Variants in AGBL1 observed in about 807,000 individuals in gnomAD.
AGBL1 encodes the protein AGBL carboxypeptidase 1, also known as cytosolic carboxypeptidase 4.
In AGBL1, 130 loss-of-function variants were observed where a neutral mutation model predicts 118.9. The observed-to-expected ratio is 1.09, with a 90% confidence interval of 0.95 to 1.26. The LOEUF is 1.26. Among genes scored for constraint, AGBL1 ranks in the 50% most tolerant of loss-of-function variants. AGBL1 has a pLI of 0.00. For missense variants in AGBL1, 1,584 were observed against 1,298.1 expected, an observed-to-expected ratio of 1.22 and a Z score of -3.38; for synonymous variants, 555 against 478.9, an observed-to-expected ratio of 1.16 and a Z score of -2.08.
chr15:87,025,494 C>A (rs950461385), intron 24 of AGBL1, among the ~76,000 whole-genome samples: 1 of 151,860 alleles, frequency 6.6e-6, no homozygotes, highest in African/African-American at 2.4e-5. Context: ...TGAAATAAAT[C>A]ATAGATGACA....
At chr15:86,554,791 G>T (rs2142271363) in intron 21 of AGBL1, among the ~76,000 whole-genome samples, 1 of 152,246 alleles carries the variant, frequency 6.6e-6, no homozygotes, top group Non-Finnish European at 1.5e-5. Flanking sequence ...GCAGCTGGGA[G>T]CCTCTCTTTG....
At chr15:86,784,082 A>C (rs1388347793) in intron 22 of AGBL1, among the ~76,000 whole-genome samples, 1 of 152,142 alleles carries the variant, frequency 6.6e-6, no homozygotes, top group African/African-American at 2.4e-5. Context: ...CAATCTCTTA[A>C]CCTCAGTTCC....
intron 22 of AGBL1, among the ~76,000 whole-genome samples, chr15:86,776,319 C>G (rs1402620191): frequency 6.6e-6 from 1 of 152,090 alleles, no homozygotes; most frequent in Non-Finnish European, 1.5e-5. Flanking sequence ...CTCATCGTAA[C>G]TTGGTGATAT....
chr15:86,873,383 T>G (rs2079757065), intron 22 of AGBL1, among the ~76,000 whole-genome samples: 1 of 152,200 alleles, frequency 6.6e-6, no homozygotes, highest in South Asian at 2.1e-4. Context: ...ATAAAAATTT[T>G]AAGAATCGAC....
chr15:86,762,717 A>G (rs1256944040), intron 22 of AGBL1, among the ~76,000 whole-genome samples: 1 of 152,026 alleles, frequency 6.6e-6, no homozygotes, highest in Non-Finnish European at 1.5e-5. Context: ...TAGAGAAGTT[A>G]CATTTGGTTT....
chr15:86,142,127 C>T, intron 2 of AGBL1, 60 bp downstream of exon 2: 1 of 1,507,106 alleles, frequency 6.6e-7, no homozygotes, highest in East Asian at 2.5e-5. Context: ...TGGCTGTGAT[C>T]TCTCCCAGGC....
intron 15 of AGBL1, among the ~76,000 whole-genome samples, chr15:86,278,434 C>T (rs1364452205): frequency 2.6e-5 from 4 of 151,430 alleles, no homozygotes; most frequent in Admixed American, 6.6e-5. Context: ...AGTCCCATTC[C>T]GAGGTGTATA....
chr15:86,702,138 C>G (rs2086371137), intron 22 of AGBL1, among the ~76,000 whole-genome samples: 1 of 151,984 alleles, frequency 6.6e-6, no homozygotes, highest in South Asian at 2.1e-4. Context: ...ATGTAAATAT[C>G]AGAGTATTAC....
At chr15:86,570,087 A>C (rs1245433849) in intron 21 of AGBL1, among the ~76,000 whole-genome samples, 1 of 141,142 alleles carries the variant, frequency 7.1e-6, no homozygotes. Flanking sequence ...GATTGACTCA[A>C]CCTGGGATGC....
intron 22 of AGBL1, among the ~76,000 whole-genome samples, chr15:86,701,884 T>G (rs973156869): frequency 1.6e-4 from 24 of 146,440 alleles, no homozygotes; most frequent in Non-Finnish European, 3.3e-4. Flanking sequence ...TCTTTTTTCT[T>G]TCCTTCCCTT....
intron 5 of AGBL1, among the ~76,000 whole-genome samples, chr15:86,176,212 C>T (rs1319803248): frequency 6.6e-6 from 1 of 152,152 alleles, no homozygotes; most frequent in Non-Finnish European, 1.5e-5. Flanking sequence ...GCAGAACTGT[C>T]CTGAAGCCTG....
At chr15:86,197,368 T>C (rs890459121) in intron 5 of AGBL1, among the ~76,000 whole-genome samples, 4 of 152,046 alleles carry the variant, frequency 2.6e-5, no homozygotes, top group Admixed American at 1.3e-4. Flanking sequence ...TTGGTAGAAG[T>C]AAGGACATCA....
intron 5 of AGBL1, among the ~76,000 whole-genome samples, chr15:86,177,250 A>C (rs1041766959): frequency 2.6e-5 from 4 of 152,244 alleles, no homozygotes; most frequent in Admixed American, 1.3e-4. Context: ...AGGAACAAAC[A>C]AAAGTCCTAA....
chr15:86,296,261 G>A (rs1197837936), intron 17 of AGBL1: 1 of 151,264 alleles, frequency 6.6e-6, no homozygotes, highest in Non-Finnish European at 1.5e-5. Flanking sequence ...CCCAAAGAAT[G>A]AGGAATGTTT....
At chr15:86,813,441 C>T (rs2078819555) in intron 22 of AGBL1, among the ~76,000 whole-genome samples, 1 of 152,204 alleles carries the variant, frequency 6.6e-6, no homozygotes, top group African/African-American at 2.4e-5. Flanking sequence ...ACATTCTCTT[C>T]TGCCTTCCTT....
intron 24 of AGBL1, among the ~76,000 whole-genome samples, chr15:87,003,510 T>TTC (rs1567281910): frequency 1.3e-5 from 2 of 152,174 alleles, no homozygotes; most frequent in African/African-American, 4.8e-5. Flanking sequence ...TTAGGGAGAA[T>TTC]TCCCTCTTTT....
intron 24 of AGBL1, among the ~76,000 whole-genome samples, chr15:87,012,351 C>G (rs572117797): frequency 3.9e-4 from 59 of 151,928 alleles, no homozygotes; most frequent in African/African-American, 1.2e-3. Flanking sequence ...GGGTACTTTC[C>G]TACATTGGAG....
chr15:86,264,588 A>G lies in AGBL1; in HGVS notation c.1417A>G (p.Ile473Val), dbSNP rs1405108414. 2.5e-6 allele frequency: 4 copies of G among 1,613,782 alleles called. No individual in the cohort carries two copies. Among genetic ancestry groups the G allele is most frequent in the Non-Finnish European group, 1.7e-6 (2 of 1,179,858 alleles). Residue 473 changes from isoleucine (I) to valine (V), a missense_variant, in exon 11 of 23, where the codon ATT (isoleucine) becomes GTT (valine). Transcript: ENST00000614907. ...PKADAWDVDA[I>V]FCPRMSASFS... is the part of the protein sequence containing the mutation. ...AGCAGATGCCTGGGACGTAGATGCA[A>G]TTTTCTGCCCAAGGATGAGTGCCTC...
At chr15:86,147,059 T>C (rs2077042101) in intron 3 of AGBL1, among the ~76,000 whole-genome samples, 1 of 152,166 alleles carries the variant, frequency 6.6e-6, no homozygotes, top group Admixed American at 6.5e-5. Context: ...TTCTAATTAT[T>C]AAAATAATGA....
Sources: allele counts gnomAD v4.1 joint callset (sites outside exome capture counted in the v4.1 genomes callset), GRCh38; gene constraint gnomAD v4.1.1; transcripts MANE v1.5; gene names NCBI Gene and HGNC (gene_info 2026-07-23, HGNC 2026-07-21).